Variants in SGPP2 observed in about 807,000 individuals in gnomAD.
The protein encoded by SGPP2 is sphingosine 1-phosphate phosphohydrolase 2.
SGPP2 carries 30 observed loss-of-function variants against 33.9 expected under a neutral mutation model. The observed-to-expected ratio is 0.89, with a 90% CI of 0.66 to 1.20. SGPP2 has a LOEUF of 1.20. Ranked by LOEUF, SGPP2 falls within the 50% of genes most tolerant of loss-of-function variation. The pLI, the probability that SGPP2 is intolerant of heterozygous loss-of-function variation, is 0.00. For missense variants in SGPP2, 458 were observed against 532.1 expected (o/e 0.86, Z 1.37); for synonymous variants, 233 against 225.0 (o/e 1.04, Z -0.32).
intron 1 of SGPP2, among the ~76,000 whole-genome samples, chr2:222,425,351 C>T (rs969777205): frequency 6.6e-6 from 1 of 152,216 alleles, no homozygotes; most frequent in Admixed American, 6.5e-5. Flanking sequence ...TTTACAACCT[C>T]CCTGCACTAC....
rs571694252 is a variant in SGPP2 at position 222,549,598 on chromosome 2, TGTAATGAGAATATA to T, written c.649-8748_649-8735del. Among the ~76,000 whole-genome samples, 250 of 136,120 alleles carry T rather than the reference TGTAATGAGAATATA, an allele frequency of 1.8e-3. 1 individual carries two copies. Among genetic ancestry groups the T allele is most frequent in the Non-Finnish European group, 3.4e-3 (198 of 58,234 alleles). The allele number at this position is 136,120 out of a possible 152,430, so 89.3% of individuals were successfully genotyped here. ...CTTGTCTGCCTCTATTATTGTTTCC[TGTAATGAGAATATA>T]ATAAAGCTCAAGCTTTTACCTAAAT... is the stretch of plus-strand genomic sequence containing the variant. On this transcript the variant is annotated intron_variant, in intron 4 of 4. Transcript: ENST00000321276.
intron 3 of SGPP2, among the ~76,000 whole-genome samples, chr2:222,523,484 G>A (rs947043369): frequency 3.3e-5 from 5 of 152,076 alleles, no homozygotes; most frequent in Non-Finnish European, 5.9e-5. Flanking sequence ...GTGGAGGCTC[G>A]CAGCAGGAAA....
intron 1 of SGPP2, among the ~76,000 whole-genome samples, chr2:222,458,795 C>T (rs960523350): frequency 6.6e-6 from 1 of 152,210 alleles, no homozygotes; most frequent in African/African-American, 2.4e-5. Context: ...GTTTTCCTCA[C>T]CTCACCCCCA....
In SGPP2 at chr2:222,525,704, G is replaced by A. The variant is rs186898831; in HGVS notation, c.648+671G>A. 2.3e-3 allele frequency among the ~76,000 whole-genome samples: 351 copies of A among 152,292 alleles called. 1 individual carries two copies. Among genetic ancestry groups the A allele is most frequent in the African/African-American group, 7.3e-3 (303 of 41,560 alleles). ...GCTGGCCATGGTCGACCACAGGGGC[G>A]CTATTTATCATCGTAATAGGTACAA... is the stretch of plus-strand genomic sequence containing the variant. On this transcript the variant is annotated intron_variant, in intron 4 of 4. Coordinates refer to ENST00000321276, the MANE Select transcript of SGPP2 (RefSeq NM_152386.4).
At position 222,561,888 on chromosome 2, in the gene SGPP2, C is replaced by G. The variant is rs1464581818; in HGVS notation, c.*2990C>G. Reference sequence around the variant, plus strand: ...CTTGTCTTGCTAGCCCTCTTCCATTCATTTCTCACACAGCACTTTGCTCTG... The same window carrying G: ...CTTGTCTTGCTAGCCCTCTTCCATTGATTTCTCACACAGCACTTTGCTCTG... On this transcript the variant is annotated 3_prime_UTR_variant, in exon 5 of 5. Transcript: ENST00000321276. Among the ~76,000 whole-genome samples the G allele has an allele frequency of 6.6e-6, 1 of 151,274 alleles. No homozygotes were observed. The highest frequency in any genetic ancestry group is 1.5e-5 in the Non-Finnish European group (1 of 67,800).
intron 4 of SGPP2, among the ~76,000 whole-genome samples, chr2:222,542,187 G>A (rs577247261): frequency 6.6e-6 from 1 of 152,154 alleles, no homozygotes; most frequent in African/African-American, 2.4e-5. Flanking sequence ...GTTCTGTATC[G>A]GGTTTCTTTT....
At chr2:222,525,054 C>T (rs1420977296) in intron 4 of SGPP2, 21 bp downstream of exon 4, 10 of 1,579,330 alleles carry the variant, frequency 6.3e-6, no homozygotes, top group Non-Finnish European at 8.7e-6. Flanking sequence ...GTGGTCAGGT[C>T]TTGTGGTGAT....
chr2:222,546,349 T>C (rs1343698510), intron 4 of SGPP2, among the ~76,000 whole-genome samples: 1 of 152,184 alleles, frequency 6.6e-6, no homozygotes, highest in Non-Finnish European at 1.5e-5. Context: ...CACTTCCCCA[T>C]TGTAATAACA....
At chr2:222,547,411 T>C (rs1323423530) in intron 4 of SGPP2, among the ~76,000 whole-genome samples, 4 of 152,218 alleles carry the variant, frequency 2.6e-5, no homozygotes, top group Non-Finnish European at 5.9e-5. Context: ...ACGGTTCATA[T>C]TTATGTGAAT....
At chr2:222,501,326 A>ATTT (rs35051844) in intron 2 of SGPP2, among the ~76,000 whole-genome samples, 7 of 150,660 alleles carry the variant, frequency 4.6e-5, no homozygotes, top group African/African-American at 1.7e-4. Flanking sequence ...AATCTTACTT[A>ATTT]TTTTTTTTTG....
intron 4 of SGPP2, among the ~76,000 whole-genome samples, chr2:222,528,206 C>T (rs376884200): frequency 6.0e-4 from 91 of 152,062 alleles, no homozygotes; most frequent in African/African-American, 1.9e-3. Context: ...AGAAGCCTTA[C>T]TCACAGTAGC....
intron 3 of SGPP2, among the ~76,000 whole-genome samples, chr2:222,524,703 C>T (rs926491386): frequency 2.0e-5 from 3 of 152,180 alleles, no homozygotes; most frequent in East Asian, 1.9e-4. Context: ...CTACGTCTCA[C>T]GTGCATGCTT....
chr2:222,491,511 G>A (rs545246990), intron 2 of SGPP2, among the ~76,000 whole-genome samples: 15 of 152,230 alleles, frequency 9.9e-5, no homozygotes, highest in Admixed American at 9.8e-4. Context: ...AGAGGAAACT[G>A]CATTATAAAA....
intron 4 of SGPP2, among the ~76,000 whole-genome samples, chr2:222,532,321 A>C (rs949185650): frequency 6.6e-6 from 1 of 152,032 alleles, no homozygotes; most frequent in African/African-American, 2.4e-5. Flanking sequence ...AGAAAAGAAA[A>C]AAATGGCTCT....
chr2:222,549,958 C>A (rs1689264033), intron 4 of SGPP2, among the ~76,000 whole-genome samples: 1 of 151,448 alleles, frequency 6.6e-6, no homozygotes, highest in African/African-American at 2.4e-5. Context: ...CTCATTGCAA[C>A]CTCCACCTCC....
At chr2:222,555,814 ATAAG>A (rs1425303634) in intron 4 of SGPP2, among the ~76,000 whole-genome samples, 1 of 152,208 alleles carries the variant, frequency 6.6e-6, no homozygotes, top group Non-Finnish European at 1.5e-5. Flanking sequence ...TAAAGGTCTG[ATAAG>A]TAAAGGGTTT....
chr2:222,500,946 G>C (rs895689503), intron 2 of SGPP2, among the ~76,000 whole-genome samples: 1 of 152,192 alleles, frequency 6.6e-6, no homozygotes, highest in African/African-American at 2.4e-5. Context: ...AGCCTTTGGA[G>C]ACAAAGAACT....
At chr2:222,553,207 G>GT (rs1258711620) in intron 4 of SGPP2, among the ~76,000 whole-genome samples, 1 of 152,312 alleles carries the variant, frequency 6.6e-6, no homozygotes, top group African/African-American at 2.4e-5. Flanking sequence ...TTCCAACTGT[G>GT]TTAATACATG....
At chr2:222,452,124 C>T (rs1374175236) in intron 1 of SGPP2, among the ~76,000 whole-genome samples, 1 of 151,862 alleles carries the variant, frequency 6.6e-6, no homozygotes, top group Non-Finnish European at 1.5e-5. Flanking sequence ...ATCTACTTAT[C>T]TATAGCCAGA....
Sources: gnomAD v4.1 joint callset for allele counts (sites outside exome capture counted in the v4.1 genomes callset) on GRCh38, gnomAD v4.1.1 for gene constraint, MANE v1.5 for transcripts, NCBI Gene and HGNC (gene_info 2026-07-23, HGNC 2026-07-21) for gene names.